Variants in HPF1 observed in about 807,000 individuals in gnomAD.
HPF1 encodes UPF0609 protein C4orf27.
HPF1 carries 35 observed loss-of-function variants against 38.8 expected under a neutral mutation model. That is an observed-to-expected ratio of 0.90 (90% CI 0.69 to 1.19). The LOEUF (loss-of-function observed/expected upper bound fraction) is 1.19, where lower values mean the gene tolerates loss of function less well. Ranked by LOEUF, HPF1 falls within the 50% of genes most tolerant of loss-of-function variation. The probability of loss-of-function intolerance (pLI) is 0.00; values close to 1 mark genes in which losing one functional copy is unlikely to be tolerated. For missense variants in HPF1, 367 were observed against 405.8 expected, an observed-to-expected ratio of 0.90 and a Z score of 0.82; for synonymous variants, 115 against 139.2, an observed-to-expected ratio of 0.83 and a Z score of 1.22.
chr4:169,748,957 CCTT>C (rs1734084176), intron 3 of HPF1, 115 bp from the exon 4 acceptor site: 1 of 551,458 alleles, frequency 1.8e-6, no homozygotes, highest in Admixed American at 3.6e-5. Context: ...TTTTTGGAGG[CCTT>C]TTTTTTTTTT....
rs756167830 is a variant in HPF1, at chr4:169,731,816, T to G, written c.797A>C (p.Lys266Thr). 1 of 1,612,056 alleles carries G rather than the reference T, an allele frequency of 6.2e-7. No individual in the cohort carries two copies. Among genetic ancestry groups the G allele is most frequent in the Non-Finnish European group, 8.5e-7 (1 of 1,179,328 alleles). The change falls in exon 7 of 8, where the codon AAA becomes ACA. Residue 266 changes from lysine (K) to threonine (T), a missense_variant. Transcript: ENST00000393381. Reference protein sequence around the residue: ...VEAASDEERLKAFAPIQEMMT... With the variant: ...VEAASDEERLTAFAPIQEMMT... The stretch of plus-strand genomic sequence containing the variant: ...CATTTCCTGAATGGGAGCAAAAGCT[T>G]TTAGTCTCTCCTCATCACTTGCAGC...
At chr4:169,751,696 CA>C (rs1734121517) in intron 2 of HPF1, among the ~76,000 whole-genome samples, 1 of 151,868 alleles carries the variant, frequency 6.6e-6, no homozygotes, top group African/African-American at 2.4e-5. Context: ...ATGAAGAAAA[CA>C]AAAAAATTCC....
In HPF1 at chr4:169,757,939, G is replaced by C. The variant is rs1328761370; in HGVS notation, c.-62C>G. 9.4e-6 allele frequency: 14 copies of C among 1,494,064 alleles called. No homozygotes were observed. The highest frequency in any genetic ancestry group is 1.1e-5 in the Non-Finnish European group (12 of 1,110,334). The allele number at this position is 1,494,064 out of a possible 1,614,324, so 92.6% of individuals were successfully genotyped here. On this transcript the variant is annotated 5_prime_UTR_variant, in exon 1 of 8. Transcript: ENST00000393381. ...CGGCCGCTTCCGAGCGCCGCCAACC[G>C]CTTCCGGGTTCAAAAGCCTCCAAGC...
chr4:169,749,463 A>T (rs756824916), intron 3 of HPF1, among the ~76,000 whole-genome samples: 1 of 152,170 alleles, frequency 6.6e-6, no homozygotes, highest in Non-Finnish European at 1.5e-5. Context: ...TGCATGGTCT[A>T]CTTCAAATTA....
chr4:169,753,935 G>T, intron 1 of HPF1, 100 bp from the exon 2 acceptor site: 2 of 911,960 alleles, frequency 2.2e-6, no homozygotes, highest in Non-Finnish European at 3.3e-6. Context: ...TGAAATACAT[G>T]TGTTTTCCTT....
intron 5 of HPF1, among the ~76,000 whole-genome samples, chr4:169,738,736 T>C (rs1487969718): frequency 1.3e-5 from 2 of 152,230 alleles, no homozygotes; most frequent in East Asian, 3.8e-4. Context: ...ATCAAGATAA[T>C]CTGCAGCTGG....
At position 169,757,322 on chromosome 4, in the gene HPF1, A is replaced by C. The variant is rs375154978; in HGVS notation, c.48+508T>G. 5.3e-5 allele frequency among the ~76,000 whole-genome samples: 8 copies of C among 152,300 alleles called. No homozygotes were observed. The East Asian group carries it at 1.2e-3, about 22-fold the overall frequency. ...AACCAATTTTCAAAGAGTTGTCTTA[A>C]AAGTCTTCTTTAACACCCCCTGGGA... On this transcript the variant is annotated intron_variant, in intron 1 of 7. Coordinates refer to ENST00000393381, the MANE Select transcript of HPF1 (RefSeq NM_017867.3).
Position 169,731,865 on chromosome 4 carries a change from T to C in HPF1, c.748A>G (p.Arg250Gly). Reference sequence around the variant, plus strand: ...GCCTCAACTATTGTCTTGCAAATTCTCTTGAGGTCAGCTGAAAGAAATCAA... The same window carrying C: ...GCCTCAACTATTGTCTTGCAAATTCCCTTGAGGTCAGCTGAAAGAAATCAA... ...ELPETDADLK[R>G]ICKTIVEAAS... is the part of the protein sequence containing the mutation. The change falls in exon 7 of 8, where the codon AGA becomes GGA. Residue 250 changes from arginine to glycine, a missense_variant. By Grantham distance (125) the Arg-to-Gly change is moderately radical (BLOSUM62 -2). Transcript: ENST00000393381. 6.2e-7 allele frequency: 1 copy of C among 1,612,544 alleles called. No homozygotes were observed. Among genetic ancestry groups the C allele is most frequent in the Non-Finnish European group, 8.5e-7 (1 of 1,178,702 alleles).
At chr4:169,751,936 T>C (rs1324132946) in intron 2 of HPF1, among the ~76,000 whole-genome samples, 1 of 151,992 alleles carries the variant, frequency 6.6e-6, no homozygotes, top group Admixed American at 6.6e-5. Flanking sequence ...CTGAGAAGGG[T>C]TGTTTTGTAT....
intron 1 of HPF1, among the ~76,000 whole-genome samples, chr4:169,757,445 G>A (rs905148789): frequency 2.0e-5 from 3 of 152,054 alleles, no homozygotes; most frequent in African/African-American, 7.2e-5. Context: ...ATTTGCTTGT[G>A]CCCCTCCTCC....
At chr4:169,744,435 G>A (rs1167634116) in intron 4 of HPF1, among the ~76,000 whole-genome samples, 1 of 152,196 alleles carries the variant, frequency 6.6e-6, no homozygotes, top group Non-Finnish European at 1.5e-5. Context: ...GATGCTTAAA[G>A]ATAAGGTGCG....
chr4:169,757,846 C>G lies in HPF1; in HGVS notation c.32G>C (p.Gly11Ala), dbSNP rs754546550. The G allele has an allele frequency of 6.4e-7, 1 of 1,565,176 alleles. No individual in the cohort carries two copies. The highest frequency in any genetic ancestry group is 8.6e-7 in the Non-Finnish European group (1 of 1,162,562). The change falls in exon 1 of 8, where the codon GGC (glycine) becomes GCC (alanine). Residue 11 changes from glycine (G) to alanine (A), a missense_variant. Coordinates refer to ENST00000393381, the MANE Select transcript of HPF1 (RefSeq NM_017867.3). ...CGGCAGTACCTGCGGCCCCTCTCCG[C>G]CGGGCCTGCGCTTCCCGCCACCGCC... MVGGGGKRRP[G>A]GEGPQCEKTT... is the part of the protein sequence containing the mutation.
chr4:169,750,779 G>T, intron 2 of HPF1, 54 bp from the exon 3 acceptor site: 1 of 1,273,912 alleles, frequency 7.8e-7, no homozygotes, highest in Non-Finnish European at 1.1e-6. Flanking sequence ...AGGAAATAAT[G>T]CTTTTATTTA....
chr4:169,742,349 T>C (rs921632334), intron 4 of HPF1, among the ~76,000 whole-genome samples: 3 of 152,226 alleles, frequency 2.0e-5, no homozygotes, highest in African/African-American at 7.2e-5. Flanking sequence ...AGCACTCTAA[T>C]GTCTACAATA....
intron 7 of HPF1, 83 bp from the exon 8 acceptor site, chr4:169,729,792 G>T: frequency 9.6e-7 from 1 of 1,037,114 alleles, no homozygotes; most frequent in Non-Finnish European, 1.3e-6. Flanking sequence ...CAAAGCACTT[G>T]TTTAACAAAG....
chr4:169,743,215 T>G (rs1734001319), intron 4 of HPF1, among the ~76,000 whole-genome samples: 2 of 151,958 alleles, frequency 1.3e-5, no homozygotes, highest in South Asian at 4.2e-4. Context: ...GTTCAAATGA[T>G]TCTCCTGACT....
intron 4 of HPF1, among the ~76,000 whole-genome samples, chr4:169,745,446 G>A (rs1734035333): frequency 6.6e-6 from 1 of 152,122 alleles, no homozygotes; most frequent in Non-Finnish European, 1.5e-5. Flanking sequence ...GAGCTTTCTA[G>A]CCAGAAAACC....
intron 1 of HPF1, among the ~76,000 whole-genome samples, chr4:169,755,119 G>T (rs1361535151): frequency 7.9e-6 from 1 of 127,016 alleles, no homozygotes; most frequent in African/African-American, 3.0e-5. Flanking sequence ...GTTTATTAAC[G>T]TTAGGTATCA....
chr4:169,746,587 A>G (rs1272907598), intron 4 of HPF1, among the ~76,000 whole-genome samples: 1 of 152,142 alleles, frequency 6.6e-6, no homozygotes, highest in Non-Finnish European at 1.5e-5. Flanking sequence ...TCTTGCAGAC[A>G]CAAGATTTAA....
Sources: allele counts gnomAD v4.1 joint callset (sites outside exome capture counted in the v4.1 genomes callset), GRCh38; gene constraint gnomAD v4.1.1; transcripts MANE v1.5; gene names NCBI Gene and HGNC (gene_info 2026-07-23, HGNC 2026-07-21).